DGKB: variants seen among roughly 807,000 people sequenced by gnomAD.
DGKB encodes the protein diacylglycerol kinase beta.
In DGKB, 67 loss-of-function variants were observed where a neutral mutation model predicts 114.3. The ratio of observed to expected loss-of-function variants is 0.59; its 90% CI spans 0.48 to 0.72. The LOEUF (loss-of-function observed/expected upper bound fraction) is 0.72. DGKB is among the 30% of genes least tolerant of loss of function. The pLI is 0.00. For synonymous variants in DGKB, 398 were observed against 323.1 expected, an observed-to-expected ratio of 1.23 and a Z score of -2.49; for missense variants, 907 against 975.2, an observed-to-expected ratio of 0.93 and a Z score of 0.93.
intron 23 of DGKB, among the ~76,000 whole-genome samples, chr7:14,299,831 T>C (rs974002061): frequency 6.6e-6 from 1 of 152,010 alleles, no homozygotes; most frequent in Non-Finnish European, 1.5e-5. Flanking sequence ...TGAGAAGCAC[T>C]AGCCAGTGAG....
At chr7:14,800,601 T>G (rs1169440390) in intron 2 of DGKB, among the ~76,000 whole-genome samples, 1 of 152,194 alleles carries the variant, frequency 6.6e-6, no homozygotes, top group East Asian at 1.9e-4. Context: ...TGGGACCCTG[T>G]GATTGTATAA....
chr7:14,799,978 G>A (rs1361206429), intron 2 of DGKB, among the ~76,000 whole-genome samples: 1 of 151,652 alleles, frequency 6.6e-6, no homozygotes. Context: ...GTGCAGTGGC[G>A]CCATCTTGGC....
chr7:14,349,203 G>C (rs1485014503), intron 21 of DGKB, among the ~76,000 whole-genome samples: 1 of 151,948 alleles, frequency 6.6e-6, no homozygotes, highest in Non-Finnish European at 1.5e-5. Context: ...CTATAAATGA[G>C]GTAGAATCAA....
intron 1 of DGKB, among the ~76,000 whole-genome samples, chr7:14,923,983 C>CAAAAAAAAAAAAAAAAAAAAAAAA (rs56032330): frequency 1.7e-4 from 13 of 76,166 alleles, no homozygotes; most frequent in African/African-American, 7.3e-4. Flanking sequence ...AGCTCCATCT[C>CAAAAAAAAAAAAAAAAAAAAAAAA]AAAAAAAAAA....
intron 1 of DGKB, among the ~76,000 whole-genome samples, chr7:14,889,744 C>A (rs1192837452): frequency 1.3e-5 from 2 of 151,438 alleles, no homozygotes; most frequent in Non-Finnish European, 3.0e-5. Flanking sequence ...AAAATAAAGA[C>A]ATAAAATTCC....
At chr7:14,313,376 T>C (rs1361265152) in intron 23 of DGKB, among the ~76,000 whole-genome samples, 1 of 151,876 alleles carries the variant, frequency 6.6e-6, no homozygotes, top group African/African-American at 2.4e-5. Flanking sequence ...TTCATCTCAC[T>C]AGGGAGCGCC....
At chr7:14,365,679 T>C (rs142771809) in intron 21 of DGKB, among the ~76,000 whole-genome samples, 69 of 152,202 alleles carry the variant, frequency 4.5e-4, no homozygotes, top group African/African-American at 1.2e-3. Context: ...TTCTATACCA[T>C]GCCACACTTC....
intron 13 of DGKB, among the ~76,000 whole-genome samples, chr7:14,636,990 A>T (rs1378435832): frequency 6.6e-6 from 1 of 151,976 alleles, no homozygotes; most frequent in African/African-American, 2.4e-5. Context: ...CTGATTATAT[A>T]AAACACATTT....
chr7:14,229,631 G>A (rs1380074933), intron 23 of DGKB, among the ~76,000 whole-genome samples: 1 of 151,892 alleles, frequency 6.6e-6, no homozygotes, highest in Non-Finnish European at 1.5e-5. Context: ...CTATAGAAAT[G>A]CCAGAAAATT....
At chr7:14,591,928 C>T (rs1276900473) in intron 17 of DGKB, among the ~76,000 whole-genome samples, 1 of 151,912 alleles carries the variant, frequency 6.6e-6, no homozygotes, top group Non-Finnish European at 1.5e-5. Context: ...AATTGTAGTA[C>T]TGATTCCAGA....
intron 5 of DGKB, among the ~76,000 whole-genome samples, chr7:14,729,331 C>G (rs574164703): frequency 6.6e-6 from 1 of 151,748 alleles, no homozygotes; most frequent in Non-Finnish European, 1.5e-5. Flanking sequence ...ACCGTGTTAG[C>G]CAGGATGGTC....
intron 20 of DGKB, among the ~76,000 whole-genome samples, chr7:14,552,890 G>A (rs901857483): frequency 5.9e-5 from 9 of 152,280 alleles, no homozygotes; most frequent in South Asian, 2.1e-4. Context: ...CAGGGTCAGC[G>A]TTGTTATGGA....
At chr7:14,647,917 G>A (rs907074111) in intron 13 of DGKB, among the ~76,000 whole-genome samples, 134 of 152,320 alleles carry the variant, frequency 8.8e-4, no homozygotes, top group African/African-American at 2.9e-3. Flanking sequence ...ACTCCCACCA[G>A]AATACTGTGC....
At chr7:14,514,625 A>C (rs900702906) in intron 20 of DGKB, among the ~76,000 whole-genome samples, 2 of 152,204 alleles carry the variant, frequency 1.3e-5, no homozygotes, top group African/African-American at 4.8e-5. Context: ...CATCAGAATC[A>C]CATATATTGA....
intron 13 of DGKB, among the ~76,000 whole-genome samples, chr7:14,647,087 G>GA (rs1417985829): frequency 5.3e-5 from 8 of 151,668 alleles, no homozygotes; most frequent in Admixed American, 2.0e-4. Flanking sequence ...AAATAATAAA[G>GA]AAAACCTCAA....
intron 23 of DGKB, among the ~76,000 whole-genome samples, chr7:14,262,599 G>C (rs2128415564): frequency 6.6e-6 from 1 of 152,224 alleles, no homozygotes; most frequent in South Asian, 2.1e-4. Flanking sequence ...TAAACAAACT[G>C]ACACAGATGG....
intron 19 of DGKB, among the ~76,000 whole-genome samples, chr7:14,576,120 A>G (rs1209738302): frequency 2.6e-5 from 4 of 152,154 alleles, no homozygotes; most frequent in Non-Finnish European, 5.9e-5. Context: ...ATTATTTCAG[A>G]AGAGATTGGG....
intron 4 of DGKB, among the ~76,000 whole-genome samples, chr7:14,742,148 G>C (rs1055986389): frequency 6.6e-6 from 1 of 152,098 alleles, no homozygotes; most frequent in African/African-American, 2.4e-5. Flanking sequence ...CCAGTAATTA[G>C]AGGCAGATAG....
chr7:14,734,020 C>CATGT (rs1831323250), intron 5 of DGKB, among the ~76,000 whole-genome samples: 2 of 148,184 alleles, frequency 1.3e-5, no homozygotes, highest in African/African-American at 4.9e-5. Flanking sequence ...TATACCAACA[C>CATGT]GTGTGTGTGT....
Sources: gnomAD v4.1 joint callset for allele counts (sites outside exome capture counted in the v4.1 genomes callset) on GRCh38, gnomAD v4.1.1 for gene constraint, MANE v1.5 for transcripts, NCBI Gene and HGNC (gene_info 2026-07-23, HGNC 2026-07-21) for gene names.